The following PLEKHM3 variants were observed in gnomAD, a reference collection of about 807,000 sequenced individuals.
PLEKHM3 encodes the protein pleckstrin homology domain-containing family M member 3.
A neutral mutation model predicts 81.8 loss-of-function variants in PLEKHM3; 45 were observed. That is an observed-to-expected ratio of 0.55 (90% CI 0.43 to 0.71). The LOEUF is 0.71. PLEKHM3 is among the 30% of genes least tolerant of loss of function. The pLI, the probability that PLEKHM3 is intolerant of heterozygous loss-of-function variation, is 0.00. For missense variants in PLEKHM3, 788 were observed against 924.3 expected (o/e 0.85, Z 1.91); for synonymous variants, 352 against 356.4 (o/e 0.99, Z 0.14).
intron 5 of PLEKHM3, among the ~76,000 whole-genome samples, chr2:207,908,883 C>T (rs1335811355): frequency 1.3e-5 from 2 of 152,216 alleles, no homozygotes; most frequent in Non-Finnish European, 2.9e-5. Context: ...CAGCTGTGTC[C>T]GTAATAAGCT....
intron 1 of PLEKHM3, among the ~76,000 whole-genome samples, chr2:208,013,315 A>G (rs1398991654): frequency 6.6e-6 from 1 of 151,942 alleles, no homozygotes; most frequent in Non-Finnish European, 1.5e-5. Flanking sequence ...CAGGAGTTTG[A>G]GATCAGCCTG....
chr2:208,008,501 CAAAAAAAAAAA>C (rs59305459), intron 1 of PLEKHM3, among the ~76,000 whole-genome samples: 11 of 83,742 alleles, frequency 1.3e-4, no homozygotes, highest in African/African-American at 5.5e-4. Flanking sequence ...CTAACCTTGC[CAAAAAAAAAAA>C]AAAAAAAAAA....
intron 7 of PLEKHM3, among the ~76,000 whole-genome samples, chr2:207,852,145 G>T (rs1008030930): frequency 6.6e-5 from 10 of 152,114 alleles, no homozygotes; most frequent in Non-Finnish European, 1.2e-4. Flanking sequence ...TTGATTTTAG[G>T]GGGTATATGG....
At chr2:207,947,854 C>A (rs142307972) in intron 3 of PLEKHM3, among the ~76,000 whole-genome samples, 2 of 152,302 alleles carry the variant, frequency 1.3e-5, no homozygotes, top group African/African-American at 4.8e-5. Flanking sequence ...ACATGAACTC[C>A]ATGAATGAAA....
chr2:207,884,218 C>A (rs1687812369), intron 6 of PLEKHM3, among the ~76,000 whole-genome samples: 1 of 143,028 alleles, frequency 7.0e-6, no homozygotes, highest in Non-Finnish European at 1.5e-5. Flanking sequence ...CTGAAAAACT[C>A]ACAGTTAACA....
At chr2:207,857,243 T>C (rs2092441548) in intron 7 of PLEKHM3, among the ~76,000 whole-genome samples, 1 of 152,232 alleles carries the variant, frequency 6.6e-6, no homozygotes, top group African/African-American at 2.4e-5. Flanking sequence ...ACATTAAGGA[T>C]TGTTACATCT....
At chr2:207,910,407 G>A (rs1688774424) in intron 5 of PLEKHM3, among the ~76,000 whole-genome samples, 1 of 152,194 alleles carries the variant, frequency 6.6e-6, no homozygotes, top group Non-Finnish European at 1.5e-5. Context: ...GCCTACAGGA[G>A]GTCACTGAGC....
At chr2:208,004,335 T>C (rs943920568) in intron 1 of PLEKHM3, among the ~76,000 whole-genome samples, 2 of 151,948 alleles carry the variant, frequency 1.3e-5, no homozygotes, top group South Asian at 2.1e-4. Flanking sequence ...GGAGGATCAT[T>C]TGAACCAGAG....
At chr2:207,983,907 T>G (rs532832032) in intron 2 of PLEKHM3, among the ~76,000 whole-genome samples, 63 of 152,222 alleles carry the variant, frequency 4.1e-4, no homozygotes, top group Admixed American at 8.5e-4. Context: ...TCCTCCTTCC[T>G]GGCCACTTCA....
At chr2:207,949,112 C>T (rs569705479) in intron 3 of PLEKHM3, among the ~76,000 whole-genome samples, 5 of 152,300 alleles carry the variant, frequency 3.3e-5, no homozygotes, top group South Asian at 4.1e-4. Context: ...TATATATATA[C>T]AGAAATTTTA....
At chr2:207,892,473 G>A (rs1452981268) in intron 6 of PLEKHM3, among the ~76,000 whole-genome samples, 2 of 152,112 alleles carry the variant, frequency 1.3e-5, no homozygotes, top group African/African-American at 4.8e-5. Flanking sequence ...ACAATAAGCT[G>A]GTTTTCCTAA....
intron 2 of PLEKHM3, among the ~76,000 whole-genome samples, chr2:207,990,061 G>A (rs993866871): frequency 6.6e-5 from 10 of 152,126 alleles, no homozygotes; most frequent in African/African-American, 2.2e-4. Flanking sequence ...AGGGATGGAC[G>A]GAGGCCAAGA....
chr2:208,010,612 G>A (rs1246513140), intron 1 of PLEKHM3, among the ~76,000 whole-genome samples: 2 of 152,200 alleles, frequency 1.3e-5, no homozygotes, highest in African/African-American at 2.4e-5. Context: ...AGGAGTCACA[G>A]GTGAGGTGCA....
intron 6 of PLEKHM3, among the ~76,000 whole-genome samples, chr2:207,881,825 G>A (rs540386288): frequency 1.3e-5 from 2 of 152,172 alleles, no homozygotes; most frequent in East Asian, 3.9e-4. Context: ...ACTGGGCCTA[G>A]TGAGGGAGGG....
At chr2:207,964,215 A>G (rs1422975107) in intron 3 of PLEKHM3, among the ~76,000 whole-genome samples, 1 of 152,126 alleles carries the variant, frequency 6.6e-6, no homozygotes, top group Non-Finnish European at 1.5e-5. Flanking sequence ...CCGTCTCAAA[A>G]AAAAAAAAAG....
chr2:207,873,740 C>T (rs1196092387), intron 6 of PLEKHM3, among the ~76,000 whole-genome samples: 5 of 152,198 alleles, frequency 3.3e-5, no homozygotes, highest in Non-Finnish European at 5.9e-5. Flanking sequence ...CCCTTCCTTT[C>T]ATCAATGCAT....
At chr2:207,886,233 T>A (rs1480999980) in intron 6 of PLEKHM3, among the ~76,000 whole-genome samples, 5 of 152,174 alleles carry the variant, frequency 3.3e-5, no homozygotes, top group Admixed American at 3.3e-4. Flanking sequence ...CCATCCCAGA[T>A]GAGCCCCAAG....
At chr2:207,972,603 AAAG>A (rs1231665412) in intron 3 of PLEKHM3, among the ~76,000 whole-genome samples, 1 of 151,910 alleles carries the variant, frequency 6.6e-6, no homozygotes, top group Non-Finnish European at 1.5e-5. Flanking sequence ...AAAAAAAAAA[AAAG>A]AAGACCACTA....
At chr2:207,926,441 C>T (rs1254204431) in intron 5 of PLEKHM3, among the ~76,000 whole-genome samples, 4 of 152,180 alleles carry the variant, frequency 2.6e-5, no homozygotes, top group African/African-American at 9.6e-5. Flanking sequence ...CTGTGTTCAG[C>T]AAGAGCTGAG....
Sources: gnomAD v4.1 joint callset for allele counts (sites outside exome capture counted in the v4.1 genomes callset) on GRCh38, gnomAD v4.1.1 for gene constraint, MANE v1.5 for transcripts, NCBI Gene and HGNC (gene_info 2026-07-23, HGNC 2026-07-21) for gene names.